SMARCAL1: variants seen among roughly 807,000 people sequenced by gnomAD.
SMARCAL1 encodes ATP-driven annealing helicase.
In SMARCAL1, 58 loss-of-function variants were observed where a neutral mutation model predicts 94.5. The observed-to-expected ratio is 0.61, with a 90% CI of 0.50 to 0.76. The LOEUF (loss-of-function observed/expected upper bound fraction) is 0.76, where lower values mean the gene tolerates loss of function less well. Ranked by LOEUF, SMARCAL1 falls within the 30% of genes least tolerant of loss-of-function variation. The pLI is 0.00. For synonymous variants in SMARCAL1, 422 were observed against 455.1 expected (o/e 0.93, Z 0.93); for missense variants, 1,051 against 1,177.9 (o/e 0.89, Z 1.58).
intron 16 of SMARCAL1, among the ~76,000 whole-genome samples, chr2:216,477,955 A>G (rs1695124154): frequency 6.6e-6 from 1 of 152,168 alleles, no homozygotes; most frequent in Non-Finnish European, 1.5e-5. Flanking sequence ...ATGAGGCAGC[A>G]TTTATTTCCT....
At chr2:216,443,315 CGAGATCA>C (rs1694238682) in intron 10 of SMARCAL1, among the ~76,000 whole-genome samples, 5 of 130,320 alleles carry the variant, frequency 3.8e-5, no homozygotes, top group Admixed American at 3.7e-4. Context: ...TGCAGTGAGC[CGAGATCA>C]TGTCACTGCA....
At chr2:216,457,327 C>T (rs1694589204) in intron 12 of SMARCAL1, among the ~76,000 whole-genome samples, 1 of 152,206 alleles carries the variant, frequency 6.6e-6, no homozygotes, top group Non-Finnish European at 1.5e-5. Flanking sequence ...CTCAGCTCTG[C>T]ACCAAGCGGA....
rs1695226768 is a variant in SMARCAL1, at chr2:216,482,676, GGA to G, written c.2626-58_2626-57del. 6.2e-7 allele frequency: 1 copy of G among 1,608,824 alleles called. No individual in the cohort carries two copies. The highest frequency in any genetic ancestry group is 1.3e-5 in the African/African-American group (1 of 74,942). ...ATATTCTCTCATCAGCCCTAGTGGAGGAGAGTCAGTGTTGGAGCCTGGGCTCT... is the reference window on the plus strand; with the variant it reads ...ATATTCTCTCATCAGCCCTAGTGGAGGAGTCAGTGTTGGAGCCTGGGCTCT... On this transcript the variant is annotated intron_variant, in intron 17 of 17. Transcript: ENST00000357276. This position sits in a 1 kb window ranked among gnomAD's most constrained non-coding sequence, Gnocchi z 4.3.
At chr2:216,423,218 GC>G (rs1693763167) in intron 5 of SMARCAL1, among the ~76,000 whole-genome samples, 1 of 152,188 alleles carries the variant, frequency 6.6e-6, no homozygotes, top group African/African-American at 2.4e-5. Flanking sequence ...GTTAACAACA[GC>G]CCACCTTACA....
At chr2:216,470,338 A>G (rs1694935522) in intron 14 of SMARCAL1, among the ~76,000 whole-genome samples, 1 of 151,896 alleles carries the variant, frequency 6.6e-6, no homozygotes, top group South Asian at 2.1e-4. Context: ...TTTTTTTAGT[A>G]GAGACGGGGT....
Position 216,482,723 on chromosome 2 carries a change from C to A in SMARCAL1, c.2626-15C>A, listed in dbSNP as rs1258608810. On this transcript the variant is annotated splice_polypyrimidine_tract_variant and intron_variant, in intron 17 of 17. Transcript: ENST00000357276. This position sits in a 1 kb window ranked among gnomAD's most constrained non-coding sequence, Gnocchi z 4.3. ...GGCTCTTCCTTTTATCTTTTGTTTT[C>A]TTTCTCTGATGAAGGACCCAAAGCA... 7.4e-6 allele frequency: 12 copies of A among 1,614,168 alleles called. No individual in the cohort carries two copies. Among genetic ancestry groups the A allele is most frequent in the Non-Finnish European group, 1.0e-5 (12 of 1,180,018 alleles).
intron 10 of SMARCAL1, among the ~76,000 whole-genome samples, chr2:216,441,166 G>A (rs985749920): frequency 6.6e-6 from 1 of 152,120 alleles, no homozygotes; most frequent in Non-Finnish European, 1.5e-5. Context: ...GGCATAATGA[G>A]GTATTTAGAT....
chr2:216,437,802 T>C (rs1694110968), intron 9 of SMARCAL1, among the ~76,000 whole-genome samples: 1 of 152,214 alleles, frequency 6.6e-6, no homozygotes. Context: ...TATATATATG[T>C]ATGTATTTGC....
intron 5 of SMARCAL1, among the ~76,000 whole-genome samples, chr2:216,423,024 A>G (rs1693758093): frequency 6.6e-6 from 1 of 152,176 alleles, no homozygotes; most frequent in Admixed American, 6.5e-5. Context: ...CTTTAATTTC[A>G]TGTAAACAGT....
intron 8 of SMARCAL1, 130 bp from the exon 9 acceptor site, chr2:216,435,208 G>A (rs1694055054): frequency 4.2e-6 from 4 of 954,530 alleles, no homozygotes; most frequent in East Asian, 2.4e-5. Context: ...AGTGGCAAGT[G>A]AAGGGGCACA....
intron 14 of SMARCAL1, among the ~76,000 whole-genome samples, chr2:216,474,151 T>C (rs959528562): frequency 1.5e-5 from 2 of 131,192 alleles, no homozygotes; most frequent in South Asian, 2.5e-4. Context: ...TTTTTTTTTT[T>C]TTTTTTGAGA....
At chr2:216,450,797 T>G (rs777003089) in intron 11 of SMARCAL1, 49 bp from the exon 12 acceptor site, 1 of 1,485,530 alleles carries the variant, frequency 6.7e-7, no homozygotes, top group Non-Finnish European at 9.4e-7. Flanking sequence ...CCTGTTGGAC[T>G]GGGCCTGAAA....
At chr2:216,436,773 CAT>C (rs1240193500) in intron 9 of SMARCAL1, among the ~76,000 whole-genome samples, 1 of 152,170 alleles carries the variant, frequency 6.6e-6, no homozygotes, top group Non-Finnish European at 1.5e-5. Flanking sequence ...TAGGTACTGA[CAT>C]ATAATCATCT....
intron 11 of SMARCAL1, 108 bp from the exon 12 acceptor site, chr2:216,450,738 C>T: frequency 1.2e-6 from 1 of 811,232 alleles, no homozygotes; most frequent in East Asian, 2.5e-5. Flanking sequence ...GTTTTCTGAG[C>T]TAAGCCAGGG....
chr2:216,430,060 A>G (rs1693931389), intron 7 of SMARCAL1, among the ~76,000 whole-genome samples: 1 of 152,076 alleles, frequency 6.6e-6, no homozygotes, highest in Non-Finnish European at 1.5e-5. Context: ...TGGCACTGTT[A>G]GCCATCCTTG....
chr2:216,479,808 T>G (rs1695158598), intron 17 of SMARCAL1, among the ~76,000 whole-genome samples: 1 of 152,198 alleles, frequency 6.6e-6, no homozygotes, highest in Non-Finnish European at 1.5e-5. Flanking sequence ...AAGCCTCTAA[T>G]CCCACACTGA....
At position 216,452,529 on chromosome 2, in the gene SMARCAL1, T is replaced by C. The variant is rs555780186; in HGVS notation, c.2070+1465T>C. Reference sequence around the variant, plus strand: ...AAAGTTGTTCCTTGTGTGTGTGAGATGGAAGTAAGTCTGTTAGTGTTTCGT... The same window carrying C: ...AAAGTTGTTCCTTGTGTGTGTGAGACGGAAGTAAGTCTGTTAGTGTTTCGT... On this transcript the variant is annotated intron_variant, in intron 12 of 17. Transcript: ENST00000357276. Among the ~76,000 whole-genome samples the C allele has an allele frequency of 2.6e-5, 4 of 152,074 alleles. No individual in the cohort carries two copies. In the South Asian group the frequency reaches 6.2e-4, roughly 24 times the overall value.
chr2:216,424,314 T>C (rs1282242933), intron 6 of SMARCAL1, among the ~76,000 whole-genome samples: 2 of 152,232 alleles, frequency 1.3e-5, no homozygotes, highest in Non-Finnish European at 2.9e-5. Context: ...AATTCTAATA[T>C]GCCTGGAAAA....
chr2:216,432,945 A>G (rs1693999012), intron 8 of SMARCAL1, 77 bp downstream of exon 8: 1 of 1,568,402 alleles, frequency 6.4e-7, no homozygotes, highest in Non-Finnish European at 8.8e-7. Flanking sequence ...TGGTTTGCAG[A>G]CAGGGCCTAG....
Sources: gnomAD v4.1 joint callset for allele counts (sites outside exome capture counted in the v4.1 genomes callset) on GRCh38, gnomAD v4.1.1 for gene constraint, Gnocchi (gnomAD v3.1) non-coding constraint, MANE v1.5 for transcripts, NCBI Gene and HGNC (gene_info 2026-07-23, HGNC 2026-07-21) for gene names.